Variants in HEATR3 observed in about 807,000 individuals in gnomAD.
HEATR3 encodes HEAT repeat-containing protein 3.
HEATR3 carries 56 observed loss-of-function variants against 72.8 expected under a neutral mutation model. That is an observed-to-expected ratio of 0.77 (90% CI 0.62 to 0.96). The LOEUF is 0.96. HEATR3 is among the 40% of genes least tolerant of loss of function. The probability of loss-of-function intolerance (pLI) is 0.00; values close to 1 mark genes in which losing one functional copy is unlikely to be tolerated. For synonymous variants in HEATR3, 331 were observed against 318.1 expected, an observed-to-expected ratio of 1.04 and a Z score of -0.43; for missense variants, 747 against 831.4, an observed-to-expected ratio of 0.90 and a Z score of 1.25.
intron 7 of HEATR3, among the ~76,000 whole-genome samples, chr16:50,081,343 G>A (rs566429268): frequency 6.6e-6 from 1 of 152,286 alleles, no homozygotes; most frequent in Non-Finnish European, 1.5e-5. Flanking sequence ...AACTTGGAAG[G>A]CTGAGGCACA....
Position 50,105,349 on chromosome 16 carries a change from C to A in HEATR3, c.*288C>A. 1 of 312,202 alleles carries A rather than the reference C, an allele frequency of 3.2e-6. No individual in the cohort carries two copies. The highest frequency in any genetic ancestry group is 6.0e-6 in the Non-Finnish European group (1 of 166,642). 19.3% of individuals were successfully genotyped at this position (312,202 alleles called of 1,614,324 possible). A position where few individuals can be genotyped will look rare whatever the true frequency, so the allele number is the denominator to read the frequency against. Reference sequence around the variant, plus strand: ...TGGTGGCACATGCCTGTGATCCCAGCTACTCGGGAGGCTGAGGGAGGAGAG... The same window carrying A: ...TGGTGGCACATGCCTGTGATCCCAGATACTCGGGAGGCTGAGGGAGGAGAG... On this transcript the variant is annotated 3_prime_UTR_variant, in exon 15 of 15. Coordinates refer to ENST00000299192, the MANE Select transcript of HEATR3 (RefSeq NM_182922.4).
In HEATR3 at chr16:50,075,631, C is replaced by T. The variant is rs2036709408; in HGVS notation, c.683C>T (p.Thr228Ile). The T allele has an allele frequency of 6.2e-7, 1 of 1,612,244 alleles. No homozygotes were observed. Among genetic ancestry groups the T allele is most frequent in the Non-Finnish European group, 8.5e-7 (1 of 1,178,302 alleles). The part of the protein sequence containing the change: ...NPELLKSFSA[T>I]ALNMLESALL... The stretch of plus-strand genomic sequence containing the variant: ...GAGCTGCTGAAGTCTTTCAGTGCTA[C>T]AGCATTGAACATGCTGGAATCAGCA... Residue 228 changes from threonine to isoleucine, a missense_variant, in exon 6 of 15, where the codon ACA becomes ATA. Coordinates refer to ENST00000299192, the MANE Select transcript of HEATR3 (RefSeq NM_182922.4).
At chr16:50,098,487 CTATTAAAAA>C (rs1282583327) in intron 12 of HEATR3, 1 of 152,078 alleles carries the variant, frequency 6.6e-6, no homozygotes, top group African/African-American at 2.4e-5. Flanking sequence ...AACCCCGTCT[CTATTAAAAA>C]ATACAAAAAA....
chr16:50,098,990 CTTTATT>C, intron 12 of HEATR3, among the ~76,000 whole-genome samples: 1 of 151,556 alleles, frequency 6.6e-6, no homozygotes, highest in East Asian at 1.9e-4. Flanking sequence ...TTTTTTTATA[CTTTATT>C]TTTATTTTTT....
At chr16:50,101,887 G>A (rs2037373826) in intron 13 of HEATR3, among the ~76,000 whole-genome samples, 1 of 147,066 alleles carries the variant, frequency 6.8e-6, no homozygotes, top group South Asian at 2.2e-4. Context: ...GGCCTAAAGT[G>A]TTTTTCTTAT....
intron 5 of HEATR3, chr16:50,074,229 C>G (rs1397069177): frequency 2.6e-5 from 4 of 152,116 alleles, no homozygotes; most frequent in Admixed American, 2.6e-4. Context: ...ATTGCTCTGC[C>G]AGAAATAACC....
At chr16:50,080,426 C>T (rs2036841939) in intron 7 of HEATR3, among the ~76,000 whole-genome samples, 1 of 147,228 alleles carries the variant, frequency 6.8e-6, no homozygotes, top group African/African-American at 2.5e-5. Flanking sequence ...CTGCAACCTC[C>T]TCCTCCCAGG....
At chr16:50,086,405 G>A (rs954093320) in intron 11 of HEATR3, 54 bp downstream of exon 11, 226 of 1,538,850 alleles carry the variant, frequency 1.5e-4, no homozygotes, top group Middle Eastern at 1.9e-4. Context: ...TTTTGAAGGG[G>A]CAGGAATTTG....
At position 50,094,781 on chromosome 16, in the gene HEATR3, G is replaced by A. The variant is rs2037195707; in HGVS notation, c.1587G>A (p.Lys529=). The A allele has an allele frequency of 3.8e-6, 6 of 1,593,350 alleles. No individual in the cohort carries two copies. The highest frequency in any genetic ancestry group is 4.3e-6 in the Non-Finnish European group (5 of 1,170,370). The change falls in exon 12 of 15, where the codon AAG becomes AAA. Residue 529 remains lysine (K), a synonymous_variant. Coordinates refer to ENST00000299192, the MANE Select transcript of HEATR3 (RefSeq NM_182922.4). ...LRALLQTMAS[K]NISQCMTPDQ... is the part of the protein sequence containing the mutation. ...CCCTTTTGCAAACAATGGCCTCCAA[G>A]AACATTTCCCAGGTAAGAGTTTTAA...
chr16:50,092,594 G>A (rs920466075), intron 11 of HEATR3, among the ~76,000 whole-genome samples: 3 of 151,228 alleles, frequency 2.0e-5, no homozygotes, highest in South Asian at 2.1e-4. Context: ...CCGCCACCAC[G>A]CCTGGCTAAT....
intron 5 of HEATR3, among the ~76,000 whole-genome samples, chr16:50,075,359 AAAAAG>A (rs2036701823): frequency 6.6e-6 from 1 of 151,298 alleles, no homozygotes; most frequent in Non-Finnish European, 1.5e-5. Flanking sequence ...TTAGAAATTT[AAAAAG>A]AAAAGAAACA....
At chr16:50,085,311 A>G (rs1455799586) in intron 10 of HEATR3, among the ~76,000 whole-genome samples, 1 of 152,128 alleles carries the variant, frequency 6.6e-6, no homozygotes, top group Non-Finnish European at 1.5e-5. Flanking sequence ...TTAACTGTAT[A>G]TATGTCACAT....
intron 7 of HEATR3, 102 bp from the exon 8 acceptor site, chr16:50,083,835 C>A: frequency 9.9e-7 from 1 of 1,010,166 alleles, no homozygotes; most frequent in Non-Finnish European, 1.5e-6. Flanking sequence ...TGCTCTATTC[C>A]AAGCGCAAAA....
rs905747274 is a variant in HEATR3 at position 50,100,129 on chromosome 16, C to T, written c.1600-101C>T. 9 of 1,118,012 alleles carry T rather than the reference C, an allele frequency of 8.0e-6. No homozygotes were observed. In the Admixed American group the frequency reaches 2.3e-4, roughly 29 times the overall value. The allele number at this position is 1,118,012 out of a possible 1,614,324, so 69.3% of individuals were successfully genotyped here. On this transcript the variant is annotated intron_variant, in intron 12 of 14. Transcript: ENST00000299192. The stretch of plus-strand genomic sequence containing the variant: ...CAGGAGTTTATGTCACTCTTAAAAT[C>T]CTGTAGCCTATAGAGGAGATTCCTG...
intron 12 of HEATR3, among the ~76,000 whole-genome samples, chr16:50,096,614 C>T (rs941592193): frequency 6.6e-6 from 1 of 152,054 alleles, no homozygotes; most frequent in East Asian, 1.9e-4. Context: ...GCCTGGCCAA[C>T]GTGGCGAAAC....
At position 50,078,894 on chromosome 16, in the gene HEATR3, C is replaced by T. The variant is rs550466423; in HGVS notation, c.917C>T (p.Ala306Val). The T allele has an allele frequency of 1.2e-6, 2 of 1,613,924 alleles. No individual in the cohort carries two copies. Among genetic ancestry groups the T allele is most frequent in the Non-Finnish European group, 1.7e-6 (2 of 1,180,018 alleles). The change falls in exon 7 of 15, where the codon GCT becomes GTT. Residue 306 changes from alanine (A) to valine (V), a missense_variant. Transcript: ENST00000299192. ...GCTGAAACGCAAAGGTTAAAAACTGCTGCAGAGGCTGAGGAAATATTAGAG... is the reference window on the plus strand; with the variant it reads ...GCTGAAACGCAAAGGTTAAAAACTGTTGCAGAGGCTGAGGAAATATTAGAG... ...KEAETQRLKT[A>V]AEAEEILENT...
At chr16:50,067,364 A>C (rs867992646) in intron 2 of HEATR3, among the ~76,000 whole-genome samples, 7 of 149,714 alleles carry the variant, frequency 4.7e-5, no homozygotes, top group African/African-American at 1.5e-4. Flanking sequence ...CAAAAAAAAA[A>C]AAAGGTGCTC....
chr16:50,084,304 C>A lies in HEATR3; in HGVS notation c.1290+13C>A. ...CATCCCAAAGAAGGTAATCCATTTT[C>A]ATTCTAGGCTTACCGTGGAGCATGG... On this transcript the variant is annotated intron_variant, in intron 9 of 14. Transcript: ENST00000299192. The A allele has an allele frequency of 6.2e-7, 1 of 1,610,858 alleles. No individual in the cohort carries two copies. The highest frequency in any genetic ancestry group is 8.5e-7 in the Non-Finnish European group (1 of 1,178,828).
intron 11 of HEATR3, among the ~76,000 whole-genome samples, chr16:50,090,114 G>C (rs1321737781): frequency 6.6e-6 from 1 of 152,156 alleles, no homozygotes; most frequent in Non-Finnish European, 1.5e-5. Context: ...CCAGCACTTT[G>C]GGAGCTGAAT....
Sources: allele counts gnomAD v4.1 joint callset (sites outside exome capture counted in the v4.1 genomes callset), GRCh38; gene constraint gnomAD v4.1.1; transcripts MANE v1.5; gene names NCBI Gene and HGNC (gene_info 2026-07-23, HGNC 2026-07-21).